The following ABLIM1 variants were observed in gnomAD, a reference collection of about 807,000 sequenced individuals.
ABLIM1 encodes actin binding LIM protein 1, also known as actin-binding LIM protein 1.
ABLIM1 carries 40 observed loss-of-function variants against 107.0 expected under a neutral mutation model. That is an observed-to-expected ratio of 0.37 (90% CI 0.29 to 0.49). The LOEUF (loss-of-function observed/expected upper bound fraction) is 0.49, where lower values mean the gene tolerates loss of function less well. ABLIM1 is among the 20% of genes least tolerant of loss of function. The pLI, the probability that ABLIM1 is intolerant of heterozygous loss-of-function variation, is 0.97. For synonymous variants in ABLIM1, 357 were observed against 357.3 expected (o/e 1.00, Z 0.01); for missense variants, 857 against 1,008.5 (o/e 0.85, Z 2.04).
intron 1 of ABLIM1, among the ~76,000 whole-genome samples, chr10:114,762,119 A>T (rs982673418): frequency 1.3e-5 from 2 of 151,408 alleles, no homozygotes; most frequent in African/African-American, 4.9e-5. Flanking sequence ...TGCAAGCTGC[A>T]CCTCCCAGGT....
chr10:114,719,246 T>C (rs944170705), intron 1 of ABLIM1, among the ~76,000 whole-genome samples: 14 of 152,222 alleles, frequency 9.2e-5, no homozygotes, highest in African/African-American at 3.4e-4. Context: ...CTGTAAAATG[T>C]GAAATAAGCA....
At chr10:114,469,160 G>A (rs570860733) in intron 10 of ABLIM1, among the ~76,000 whole-genome samples, 5 of 151,728 alleles carry the variant, frequency 3.3e-5, no homozygotes, top group East Asian at 1.9e-4. Context: ...TTCAAACTAC[G>A]CTCATTTTAC....
chr10:114,520,543 C>G (rs2063577370), intron 6 of ABLIM1, among the ~76,000 whole-genome samples: 1 of 151,806 alleles, frequency 6.6e-6, no homozygotes, highest in Admixed American at 6.6e-5. Context: ...CAATTGTAAC[C>G]CTGGATTAAA....
At chr10:114,504,549 G>C (rs542147265) in intron 6 of ABLIM1, among the ~76,000 whole-genome samples, 20 of 152,170 alleles carry the variant, frequency 1.3e-4, no homozygotes, top group African/African-American at 4.8e-4. Flanking sequence ...GCCATCCCTT[G>C]AAAAATAGCA....
intron 6 of ABLIM1, among the ~76,000 whole-genome samples, chr10:114,533,042 A>T (rs532863215): frequency 8.5e-5 from 13 of 152,332 alleles, no homozygotes; most frequent in African/African-American, 1.4e-4. Context: ...AAATATTTTT[A>T]AAAAATTTTT....
chr10:114,703,656 C>T (rs1441934395), intron 1 of ABLIM1, among the ~76,000 whole-genome samples: 1 of 152,366 alleles, frequency 6.6e-6, no homozygotes, highest in East Asian at 1.9e-4. Flanking sequence ...ATTCAGTCAT[C>T]TTCAACGCCT....
At chr10:114,679,635 CAAAAAAAA>C (rs757677426) in intron 1 of ABLIM1, among the ~76,000 whole-genome samples, 26 of 86,310 alleles carry the variant, frequency 3.0e-4, no homozygotes, top group Non-Finnish European at 5.9e-4. Flanking sequence ...AACTCCGTCT[CAAAAAAAA>C]AAAAAAAAAA....
chr10:114,493,611 C>CAT (rs2059293312), intron 6 of ABLIM1, among the ~76,000 whole-genome samples: 1 of 151,988 alleles, frequency 6.6e-6, no homozygotes, highest in African/African-American at 2.4e-5. Context: ...AAAAAATTAA[C>CAT]ATATAAAAAC....
intron 1 of ABLIM1, among the ~76,000 whole-genome samples, chr10:114,727,238 T>C (rs1426628409): frequency 6.6e-6 from 1 of 152,218 alleles, no homozygotes; most frequent in East Asian, 1.9e-4. Context: ...CCAGAAAGAA[T>C]AGTTTCACCT....
chr10:114,649,485 T>C (rs1010022348), intron 1 of ABLIM1, among the ~76,000 whole-genome samples: 3 of 151,864 alleles, frequency 2.0e-5, no homozygotes, highest in African/African-American at 7.2e-5. Context: ...TATTTCTACC[T>C]TTGAGAAATA....
chr10:114,624,617 AT>A (rs2077672224), intron 1 of ABLIM1, among the ~76,000 whole-genome samples: 1 of 152,198 alleles, frequency 6.6e-6, no homozygotes, highest in Non-Finnish European at 1.5e-5. Context: ...CATTCCTGTC[AT>A]CAAAAATTGC....
At chr10:114,712,476 A>G (rs930357769) in intron 1 of ABLIM1, among the ~76,000 whole-genome samples, 1 of 152,152 alleles carries the variant, frequency 6.6e-6, no homozygotes, top group African/African-American at 2.4e-5. Flanking sequence ...AACATAATAA[A>G]TGCATAAGAA....
At chr10:114,643,087 C>G (rs2078824224) in intron 1 of ABLIM1, among the ~76,000 whole-genome samples, 1 of 152,116 alleles carries the variant, frequency 6.6e-6, no homozygotes, top group Admixed American at 6.5e-5. Flanking sequence ...CAACATCCAG[C>G]CAATTAAGAG....
chr10:114,644,327 A>ATGTG (rs1440786237), intron 1 of ABLIM1, among the ~76,000 whole-genome samples: 1 of 119,522 alleles, frequency 8.4e-6, no homozygotes, highest in South Asian at 2.4e-4. Context: ...ATATATATAT[A>ATGTG]TATGTGTATA....
intron 1 of ABLIM1, among the ~76,000 whole-genome samples, chr10:114,671,504 T>A: frequency 6.6e-6 from 1 of 152,232 alleles, no homozygotes; most frequent in East Asian, 1.9e-4. Flanking sequence ...TATAGATGTA[T>A]AGAAGATGCA....
chr10:114,623,087 G>A (rs908215520), intron 1 of ABLIM1, among the ~76,000 whole-genome samples: 1 of 152,128 alleles, frequency 6.6e-6, no homozygotes, highest in Non-Finnish European at 1.5e-5. Context: ...AGCTTCCTGA[G>A]TAGCTGAGAC....
intron 4 of ABLIM1, among the ~76,000 whole-genome samples, chr10:114,564,683 G>A (rs185133608): frequency 2.9e-3 from 437 of 152,206 alleles, no homozygotes; most frequent in African/African-American, 0.01. Context: ...ATTTACAGAC[G>A]AGGGCGCTGA....
intron 4 of ABLIM1, among the ~76,000 whole-genome samples, chr10:114,554,164 C>A (rs1009334494): frequency 1.3e-5 from 2 of 152,176 alleles, no homozygotes; most frequent in African/African-American, 4.8e-5. Flanking sequence ...AGCACAATAA[C>A]GCCAGTTACA....
In ABLIM1 at chr10:114,716,820, T is replaced by A. The variant is rs145932572; in HGVS notation, c.-213+51241A>T. Among the ~76,000 whole-genome samples, 1,058 of 146,296 alleles carry A rather than the reference T, an allele frequency of 7.2e-3. 15 individuals are homozygous for A. Among genetic ancestry groups the A allele is most frequent in the African/African-American group, 0.025 (976 of 38,444 alleles). ...AATTATGTATAAATTTTACTATAATTGCTTGCACTGCCTGGAACTGTTAAA... is the reference window on the plus strand; with the variant it reads ...AATTATGTATAAATTTTACTATAATAGCTTGCACTGCCTGGAACTGTTAAA... On this transcript the variant is annotated intron_variant, in intron 1 of 15. Coordinates refer to the ABLIM1 transcript ENST00000651092.
Sources: gnomAD v4.1 joint callset for allele counts (sites outside exome capture counted in the v4.1 genomes callset) on GRCh38, gnomAD v4.1.1 for gene constraint, MANE v1.5 for transcripts, NCBI Gene and HGNC (gene_info 2026-07-23, HGNC 2026-07-21) for gene names.